The following TNFAIP2 variants were observed in gnomAD, a reference collection of about 807,000 sequenced individuals.
TNFAIP2 encodes TNF alpha induced protein 2, also known as tumor necrosis factor alpha-induced protein 2.
A neutral mutation model predicts 63.5 loss-of-function variants in TNFAIP2; 47 were observed. That is an observed-to-expected ratio of 0.74 (90% CI 0.59 to 0.94). The LOEUF is 0.94. TNFAIP2 is among the 40% of genes least tolerant of loss of function. TNFAIP2 has a pLI of 0.00. For missense variants in TNFAIP2, 787 were observed against 850.2 expected (o/e 0.93, Z 0.92); for synonymous variants, 405 against 390.2 (o/e 1.04, Z -0.45).
intron 8 of TNFAIP2, among the ~76,000 whole-genome samples, chr14:103,132,187 C>T (rs1343405187): frequency 1.3e-5 from 2 of 152,202 alleles, no homozygotes; most frequent in Non-Finnish European, 2.9e-5. Flanking sequence ...CGCCTGACTC[C>T]CAGCAACTGA....
chr14:103,133,158 A>C (rs1331254153), intron 9 of TNFAIP2, among the ~76,000 whole-genome samples: 1 of 149,456 alleles, frequency 6.7e-6, no homozygotes, highest in Non-Finnish European at 1.5e-5. Context: ...ACACATGTGA[A>C]CACGTGAACG....
At chr14:103,128,324 C>T (rs754061900) in intron 3 of TNFAIP2, among the ~76,000 whole-genome samples, 7 of 152,284 alleles carry the variant, frequency 4.6e-5, no homozygotes, top group East Asian at 3.9e-4. Flanking sequence ...GTGAGCCCGC[C>T]GCAGAGCTGG....
chr14:103,134,262 T>C (rs2088049978), intron 11 of TNFAIP2, among the ~76,000 whole-genome samples: 1 of 152,204 alleles, frequency 6.6e-6, no homozygotes, highest in African/African-American at 2.4e-5. Context: ...CTGGGTCCTC[T>C]GACATGTTAG....
intron 1 of TNFAIP2, among the ~76,000 whole-genome samples, chr14:103,125,365 C>T (rs1307589094): frequency 1.3e-5 from 2 of 152,194 alleles, no homozygotes; most frequent in Non-Finnish European, 2.9e-5. Flanking sequence ...ATGTAGCTTG[C>T]AGGATAGCTG....
intron 5 of TNFAIP2, 53 bp downstream of exon 5, chr14:103,130,177 G>C: frequency 5.0e-6 from 8 of 1,587,848 alleles, no homozygotes; most frequent in Non-Finnish European, 6.9e-6. Context: ...TGCATGGGGA[G>C]CCCCACGCAC....
chr14:103,129,317 G>A (rs2087922095), intron 3 of TNFAIP2, among the ~76,000 whole-genome samples: 1 of 152,180 alleles, frequency 6.6e-6, no homozygotes, highest in Admixed American at 6.5e-5. Context: ...GGAGCAGGAA[G>A]AAGATCAGAT....
chr14:103,133,009 T>C, intron 9 of TNFAIP2, 137 bp downstream of exon 9: 1 of 1,384,174 alleles, frequency 7.2e-7, no homozygotes. Flanking sequence ...CACGAGCATG[T>C]GAACACGTGC....
chr14:103,135,255 G>A lies in TNFAIP2; in HGVS notation c.1860G>A (p.Gly620=), dbSNP rs151241850. 28 of 1,613,994 alleles carry A rather than the reference G, an allele frequency of 1.7e-5. 1 individual carries two copies. The African/African-American group carries it at 2.1e-4, about 12-fold the overall frequency. ...GHLSAILAIK[G]NLSNSEVKRI... is the part of the protein sequence containing the mutation. Reference sequence around the variant, plus strand: ...TGAGCGCTATCCTGGCCATCAAGGGGAACCTATCCAACAGTGAGGTCAAGC... The same window carrying A: ...TGAGCGCTATCCTGGCCATCAAGGGAAACCTATCCAACAGTGAGGTCAAGC... Residue 620 remains glycine, a synonymous_variant, in exon 12 of 12, where the codon GGG becomes GGA. Transcript: ENST00000560869. The surrounding 1 kb of genome is among the most constrained non-coding windows in gnomAD (Gnocchi z 7.6).
In TNFAIP2 at chr14:103,127,523, A is replaced by T. The variant is rs140029141; in HGVS notation, c.754A>T (p.Ser252Cys). ...EFGVVAAYAESYHQHFAAHLA... is the reference protein window; with the variant it reads ...EFGVVAAYAECYHQHFAAHLA... The stretch of plus-strand genomic sequence containing the variant: ...CGGCGTCGTGGCGGCCTACGCCGAG[A>T]GCTACCACCAGCACTTCGCGGCCCA... The change falls in exon 3 of 12, where the codon AGC (serine) becomes TGC (cysteine). Residue 252 changes from serine (S) to cysteine (C), a missense_variant. This residue lies in a region of TNFAIP2 where 523 missense variants were observed against 604.1 expected (regional missense o/e 0.87). Coordinates refer to ENST00000560869, the MANE Select transcript of TNFAIP2 (RefSeq NM_006291.4). The surrounding 1 kb of genome is among the most constrained non-coding windows in gnomAD (Gnocchi z 5.1). 1.3e-5 allele frequency: 21 copies of T among 1,589,438 alleles called. No homozygotes were observed. The African/African-American group carries it at 2.8e-4, about 21-fold the overall frequency.
At position 103,135,389 on chromosome 14, in the gene TNFAIP2, G is replaced by C; in HGVS notation, c.*29G>C. On this transcript the variant is annotated 3_prime_UTR_variant, in exon 12 of 12. Transcript: ENST00000560869. This position sits in a 1 kb window ranked among gnomAD's most constrained non-coding sequence, Gnocchi z 7.6. ...TTCCTGTGGCCTGACCTGCCTGTGA[G>C]TGCCCAGCAAGCCTTGGGCACACCC... The C allele has an allele frequency of 6.3e-7, 1 of 1,577,632 alleles. No individual in the cohort carries two copies. Among genetic ancestry groups the C allele is most frequent in the Non-Finnish European group, 8.6e-7 (1 of 1,162,488 alleles).
In TNFAIP2 at chr14:103,133,036, G is replaced by T. The variant is rs545301346; in HGVS notation, c.1545+164G>T. ...AACACGTGCACATGTGAACACACGT[G>T]AAGGCACGAACATGTGAACGCACGA... is the stretch of plus-strand genomic sequence containing the variant. On this transcript the variant is annotated intron_variant, in intron 9 of 11. Transcript: ENST00000560869. 3.9e-5 allele frequency among the ~76,000 whole-genome samples: 6 copies of T among 152,302 alleles called. No individual in the cohort carries two copies. In the South Asian group the frequency reaches 1.0e-3, roughly 26 times the overall value.
Position 103,133,328 on chromosome 14 carries a change from C to G in TNFAIP2, c.1546-34C>G, listed in dbSNP as rs201106002. ...AGGTGGCGAGCTCCCCATCAGCAGA[C>G]AGCTCACACGCCCCTGGCTGCTTGC... On this transcript the variant is annotated intron_variant, in intron 9 of 11. Transcript: ENST00000560869. 5 of 1,603,276 alleles carry G rather than the reference C, an allele frequency of 3.1e-6. No homozygotes were observed. The Admixed American group carries it at 8.4e-5, about 27-fold the overall frequency.
rs994160667 is a variant in TNFAIP2 at position 103,127,156 on chromosome 14, C to T, written c.387C>T (p.Tyr129=). The change falls in exon 3 of 12, where the codon TAC becomes TAT. Residue 129 remains tyrosine, a synonymous_variant. Coordinates refer to ENST00000560869, the MANE Select transcript of TNFAIP2 (RefSeq NM_006291.4). This position sits in a 1 kb window ranked among gnomAD's most constrained non-coding sequence, Gnocchi z 5.1. ...VRRQSKVEAL[Y]ELLRDQVLGV... ...GCCAGAGCAAGGTGGAGGCGCTGTA[C>T]GAGCTGCTGCGCGACCAGGTGCTGG... 1.5e-5 allele frequency: 17 copies of T among 1,117,170 alleles called. No homozygotes were observed. Among genetic ancestry groups the T allele is most frequent in the African/African-American group, 1.7e-5 (1 of 58,478 alleles). The allele number at this position is 1,117,170 out of a possible 1,614,324, so 69.2% of individuals were successfully genotyped here.
chr14:103,125,746 G>A (rs1464126457), intron 1 of TNFAIP2, among the ~76,000 whole-genome samples: 1 of 152,242 alleles, frequency 6.6e-6, no homozygotes, highest in Non-Finnish European at 1.5e-5. Flanking sequence ...CCCAGCTGGA[G>A]CAGCTGTGTT....
Position 103,127,406 on chromosome 14 carries a change from C to T in TNFAIP2, c.637C>T (p.Pro213Ser). ...GCGGCCGGCCGCGGGCGCCGAGGTC[C>T]CCGAGAGCGTCTTTCTGCACTTGGG... Reference protein sequence around the residue: ...GQRPAAGAEVPESVFLHLGRT... With the variant: ...GQRPAAGAEVSESVFLHLGRT... Residue 213 changes from proline to serine, a missense_variant, in exon 3 of 12, where the codon CCC (proline) becomes TCC (serine). Around this residue, in one of 3 missense-constraint regions of TNFAIP2, gnomAD observed 523 missense variants for 604.1 expected, o/e 0.87. Coordinates refer to ENST00000560869, the MANE Select transcript of TNFAIP2 (RefSeq NM_006291.4). The surrounding 1 kb of genome is among the most constrained non-coding windows in gnomAD (Gnocchi z 5.1). 1 of 1,559,586 alleles carries T rather than the reference C, an allele frequency of 6.4e-7. No homozygotes were observed. The highest frequency in any genetic ancestry group is 8.6e-7 in the Non-Finnish European group (1 of 1,160,644).
At position 103,135,326 on chromosome 14, in the gene TNFAIP2, C is replaced by T; in HGVS notation, c.1931C>T (p.Ser644Phe). The change falls in exon 12 of 12, where the codon TCC (serine) becomes TTC (phenylalanine). Residue 644 changes from serine to phenylalanine, a missense_variant. By Grantham distance (155) the Ser-to-Phe change is radical. Transcript: ENST00000560869. This position sits in a 1 kb window ranked among gnomAD's most constrained non-coding sequence, Gnocchi z 7.6. ...LDVSMGAQEP[S>F]RPLFSLIKVG ...GTCAGCATGGGGGCGCAGGAGCCCT[C>T]CCGGCCCCTATTTTCCCTTATAAAG... The T allele has an allele frequency of 6.2e-7, 1 of 1,613,134 alleles. No individual in the cohort carries two copies. The highest frequency in any genetic ancestry group is 8.5e-7 in the Non-Finnish European group (1 of 1,179,604).
At chr14:103,132,673 CTGCGTGT>C (rs751096021) in intron 8 of TNFAIP2, 70 bp from the exon 9 acceptor site, 5 of 1,132,494 alleles carry the variant, frequency 4.4e-6, no homozygotes, top group Non-Finnish European at 5.9e-6. Context: ...GTGTCTGTGT[CTGCGTGT>C]CTGCGTGTCT....
chr14:103,122,314 C>T (rs543859736), upstream of TNFAIP2, among the ~76,000 whole-genome samples: 18 of 152,322 alleles, frequency 1.2e-4, no homozygotes, highest in South Asian at 1.9e-3. Flanking sequence ...CGCCCCCACT[C>T]CGCTGGCCCC....
rs1159177451 is a variant in TNFAIP2 at position 103,127,621 on chromosome 14, C to G, written c.852C>G (p.Leu284=). 2.0e-6 allele frequency: 3 copies of G among 1,502,814 alleles called. No homozygotes were observed. Among genetic ancestry groups the G allele is most frequent in the Admixed American group, 4.1e-5 (2 of 48,544 alleles). The allele number at this position is 1,502,814 out of a possible 1,614,324, so 93.1% of individuals were successfully genotyped here. The change falls in exon 3 of 12, where the codon CTC becomes CTG. Residue 284 remains leucine, a synonymous_variant. Coordinates refer to ENST00000560869, the MANE Select transcript of TNFAIP2 (RefSeq NM_006291.4). This position sits in a 1 kb window ranked among gnomAD's most constrained non-coding sequence, Gnocchi z 5.1. ...TGCTGCTGCTCTGGGTGCAGAACCT[C>G]TACCCCAAGTGAGCAGACCAGGGGC... The part of the protein sequence containing the change: ...TYMLLLWVQN[L]YPNDIINSPK...
Sources: allele counts gnomAD v4.1 joint callset (sites outside exome capture counted in the v4.1 genomes callset), GRCh38; gene constraint gnomAD v4.1.1; regional missense constraint gnomAD v4.1.1; non-coding constraint Gnocchi (gnomAD v3.1); transcripts MANE v1.5; gene names NCBI Gene and HGNC (gene_info 2026-07-23, HGNC 2026-07-21).